The following ZFHX3 variants were observed in gnomAD, a reference collection of about 807,000 sequenced individuals.
ZFHX3 encodes the protein zinc finger homeobox protein 3.
Under a neutral mutation model 279.1 loss-of-function variants are expected in ZFHX3, and 42 were observed. That is an observed-to-expected ratio of 0.15 (90% confidence interval 0.12 to 0.19). ZFHX3 has a LOEUF of 0.19. ZFHX3 is among the 10% of genes least tolerant of loss of function. ZFHX3 has a pLI of 1.00. For missense variants in ZFHX3, 4,981 were observed against 4,754.0 expected, an observed-to-expected ratio of 1.05 and a Z score of -1.40; for synonymous variants, 2,293 against 1,957.8, an observed-to-expected ratio of 1.17 and a Z score of -4.52.
intron 4 of ZFHX3, among the ~76,000 whole-genome samples, chr16:72,856,816 C>A (rs78482596): frequency 0.013 from 1,935 of 152,256 alleles, 91 homozygotes; most frequent in South Asian, 0.11. Flanking sequence ...TGGGCCATCT[C>A]CACCCTTGGT....
intron 3 of ZFHX3, among the ~76,000 whole-genome samples, chr16:73,390,320 G>A (rs1597313996): frequency 1.3e-5 from 2 of 152,232 alleles, no homozygotes; most frequent in Non-Finnish European, 2.9e-5. Flanking sequence ...TCACCATGGT[G>A]CTGAGAGTTC....
chr16:73,113,152 T>G (rs1044987470), intron 7 of ZFHX3, among the ~76,000 whole-genome samples: 5 of 150,296 alleles, frequency 3.3e-5, no homozygotes, highest in Admixed American at 2.0e-4. Flanking sequence ...AAAGAGAAGG[T>G]CAGAAAGAAG....
chr16:73,034,840 G>A (rs1964842234), intron 1 of ZFHX3, among the ~76,000 whole-genome samples: 1 of 152,192 alleles, frequency 6.6e-6, no homozygotes, highest in African/African-American at 2.4e-5. Flanking sequence ...GCACCCCAAT[G>A]TCACAGTTCT....
At chr16:72,808,139 A>C (rs2036327588) in intron 7 of ZFHX3, 1 of 152,236 alleles carries the variant, frequency 6.6e-6, no homozygotes, top group African/African-American at 2.4e-5. Flanking sequence ...GCATGATTTT[A>C]ACCATAGGTT....
intron 3 of ZFHX3, among the ~76,000 whole-genome samples, chr16:73,450,835 G>C (rs1465876199): frequency 2.0e-5 from 3 of 152,126 alleles, no homozygotes; most frequent in Non-Finnish European, 4.4e-5. Context: ...TCTCCTAATA[G>C]TACTATGATT....
intron 5 of ZFHX3, among the ~76,000 whole-genome samples, chr16:73,215,486 C>G (rs1029707692): frequency 6.6e-6 from 1 of 152,206 alleles, no homozygotes; most frequent in Non-Finnish European, 1.5e-5. Context: ...AATGTTTCAA[C>G]CAGCCATTTA....
intron 1 of ZFHX3, among the ~76,000 whole-genome samples, chr16:73,009,697 G>A (rs1162933567): frequency 1.3e-5 from 2 of 152,100 alleles, no homozygotes; most frequent in Non-Finnish European, 2.9e-5. Flanking sequence ...GGCAGGGCCA[G>A]CCTTTTGTAC....
At chr16:73,591,498 C>T (rs1003163049) in intron 2 of ZFHX3, among the ~76,000 whole-genome samples, 25 of 151,164 alleles carry the variant, frequency 1.7e-4, no homozygotes, top group African/African-American at 5.6e-4. Flanking sequence ...TCGATATCAT[C>T]GTGGCTAACT....
At chr16:72,920,845 C>T (rs8059392) in intron 3 of ZFHX3, among the ~76,000 whole-genome samples, 38,763 of 151,244 alleles carry the variant, frequency 0.26, 5,180 homozygotes, top group Non-Finnish European at 0.29. Flanking sequence ...CAAGGTGGGA[C>T]GATTGCTTGA....
intron 2 of ZFHX3, among the ~76,000 whole-genome samples, chr16:73,576,073 T>A (rs371666433): frequency 7.8e-4 from 119 of 152,294 alleles, no homozygotes; most frequent in African/African-American, 2.7e-3. Flanking sequence ...TTTCTAATTA[T>A]CTTTAATACT....
chr16:73,745,054 A>T (rs530621855), intron 1 of ZFHX3, among the ~76,000 whole-genome samples: 1 of 152,338 alleles, frequency 6.6e-6, no homozygotes, highest in South Asian at 2.1e-4. Context: ...ACAACCTCTC[A>T]GAAATGAGTG....
intron 1 of ZFHX3, among the ~76,000 whole-genome samples, chr16:73,019,111 A>G (rs965503706): frequency 6.6e-6 from 1 of 152,212 alleles, no homozygotes; most frequent in Non-Finnish European, 1.5e-5. Context: ...CTCAAGTCAA[A>G]AGAGTTGGGA....
At chr16:73,401,775 G>C (rs1032823517) in intron 3 of ZFHX3, 1 of 152,182 alleles carries the variant, frequency 6.6e-6, no homozygotes, top group Non-Finnish European at 1.5e-5. Context: ...CTATCATTCT[G>C]CATAGATAAT....
intron 3 of ZFHX3, chr16:73,388,954 A>C (rs988277792): frequency 7.2e-5 from 11 of 152,218 alleles, no homozygotes; most frequent in African/African-American, 2.4e-4. Context: ...GACTATGGCC[A>C]CGGCGTCTTA....
intron 2 of ZFHX3, among the ~76,000 whole-genome samples, chr16:73,480,901 T>C (rs1041100241): frequency 6.6e-6 from 1 of 152,200 alleles, no homozygotes; most frequent in Non-Finnish European, 1.5e-5. Flanking sequence ...ATGAACTAAA[T>C]AGCCTCCATT....
chr16:73,688,913 G>A (rs1171908637), intron 1 of ZFHX3, among the ~76,000 whole-genome samples: 1 of 152,118 alleles, frequency 6.6e-6, no homozygotes, highest in East Asian at 1.9e-4. Flanking sequence ...AGTGAGATGT[G>A]CCTTTCACCT....
At chr16:73,563,366 C>T (rs958412000) in intron 2 of ZFHX3, among the ~76,000 whole-genome samples, 1 of 151,800 alleles carries the variant, frequency 6.6e-6, no homozygotes, top group Non-Finnish European at 1.5e-5. Context: ...ACGCCATTCT[C>T]CTGCCTCAGC....
chr16:73,553,014 G>A (rs751127055), intron 2 of ZFHX3, among the ~76,000 whole-genome samples: 1 of 152,040 alleles, frequency 6.6e-6, no homozygotes, highest in Non-Finnish European at 1.5e-5. Flanking sequence ...ACATTCTGCC[G>A]GGCTCTGCTA....
At chr16:73,801,459 G>A (rs1364330660) in intron 1 of ZFHX3, among the ~76,000 whole-genome samples, 1 of 152,156 alleles carries the variant, frequency 6.6e-6, no homozygotes, top group East Asian at 1.9e-4. Flanking sequence ...AAAAAAATTG[G>A]TTTGCAACTA....
Sources: gnomAD v4.1 joint callset for allele counts (sites outside exome capture counted in the v4.1 genomes callset) on GRCh38, gnomAD v4.1.1 for gene constraint, MANE v1.5 for transcripts, NCBI Gene and HGNC (gene_info 2026-07-23, HGNC 2026-07-21) for gene names.